The following CCDC178 variants were observed in gnomAD, a reference collection of about 807,000 sequenced individuals.
The protein encoded by CCDC178 is coiled-coil domain containing 178.
In CCDC178, 126 loss-of-function variants were observed where a neutral mutation model predicts 117.4. That is an observed-to-expected ratio of 1.07 (90% CI 0.93 to 1.24). CCDC178 has a LOEUF of 1.24. Among genes scored for constraint, CCDC178 ranks in the 50% most tolerant of loss-of-function variants. The pLI is 0.00. For synonymous variants in CCDC178, 283 were observed against 313.4 expected, an observed-to-expected ratio of 0.90 and a Z score of 1.02; for missense variants, 1,030 against 986.9, an observed-to-expected ratio of 1.04 and a Z score of -0.59.
intron 21 of CCDC178, among the ~76,000 whole-genome samples, chr18:32,991,457 TAA>T (rs2055391928): frequency 6.6e-6 from 1 of 152,160 alleles, no homozygotes; most frequent in South Asian, 2.1e-4. Context: ...CCATGAAAGA[TAA>T]AAAAGTCTGT....
chr18:33,316,278 G>T (rs559017786), intron 11 of CCDC178, among the ~76,000 whole-genome samples: 1 of 152,340 alleles, frequency 6.6e-6, no homozygotes, highest in South Asian at 2.1e-4. Flanking sequence ...GCGGGATAGC[G>T]CGAGTTCCGT....
At chr18:33,264,073 C>T (rs988811838) in intron 14 of CCDC178, among the ~76,000 whole-genome samples, 2 of 152,024 alleles carry the variant, frequency 1.3e-5, no homozygotes, top group Non-Finnish European at 2.9e-5. Context: ...CTTTAAATAT[C>T]TGTGTCAAAC....
At chr18:33,229,042 T>C (rs967519307) in intron 15 of CCDC178, among the ~76,000 whole-genome samples, 2 of 152,188 alleles carry the variant, frequency 1.3e-5, no homozygotes, top group Non-Finnish European at 2.9e-5. Flanking sequence ...ACAGGCATTG[T>C]TCCCTGTAAA....
Position 33,266,916 on chromosome 18 carries a change from C to T in CCDC178, c.1409G>A (p.Ser470Asn). 2 of 1,559,626 alleles carry T rather than the reference C, an allele frequency of 1.3e-6. No individual in the cohort carries two copies. Among genetic ancestry groups the T allele is most frequent in the Non-Finnish European group, 8.7e-7 (1 of 1,153,304 alleles). ...AGAAGAAAAGTATTTGCAAATTTAC[C>T]TTTCATTGGTTTTTACTGTTATTTT... is the stretch of plus-strand genomic sequence containing the variant. ...INKITVKTNE[S>N]IRKKSKYESE... Residue 470 changes from serine to asparagine, a missense_variant and splice_region_variant, in exon 14 of 23, where the codon AGC becomes AAC. Physicochemically the swap from Ser to Asn is conservative, Grantham distance 46. Transcript: ENST00000383096.
intron 21 of CCDC178, among the ~76,000 whole-genome samples, chr18:32,996,117 A>T (rs2055502263): frequency 6.6e-6 from 1 of 151,926 alleles, no homozygotes; most frequent in Non-Finnish European, 1.5e-5. Flanking sequence ...TTAAGTAAAA[A>T]TATAATAGAA....
chr18:33,314,008 G>A (rs868275983), intron 11 of CCDC178, among the ~76,000 whole-genome samples: 2 of 150,886 alleles, frequency 1.3e-5, no homozygotes, highest in African/African-American at 2.4e-5. Context: ...AGACCATCCC[G>A]GCTAAAACGG....
chr18:33,343,088 C>T (rs1318780632), intron 9 of CCDC178, among the ~76,000 whole-genome samples: 1 of 152,074 alleles, frequency 6.6e-6, no homozygotes, highest in East Asian at 1.9e-4. Context: ...TATTCAAATT[C>T]ATTCAGAAAC....
chr18:33,133,644 TC>T lies in CCDC178; in HGVS notation c.2239-40735del, dbSNP rs201648923. ...GACATGCCCAAATTGCCCAGTAAAC[TC>T]CGTAGACAACTCATGAAGTCTTCTG... On this transcript the variant is annotated intron_variant, in intron 20 of 22. Coordinates refer to ENST00000383096, the MANE Select transcript of CCDC178 (RefSeq NM_001105528.4). 2.1e-3 allele frequency among the ~76,000 whole-genome samples: 318 copies of T among 151,984 alleles called. 2 individuals carry two copies. In the East Asian group the frequency reaches 0.038, roughly 18 times the overall value.
At chr18:33,172,891 C>T (rs1022567499) in intron 20 of CCDC178, among the ~76,000 whole-genome samples, 9 of 152,084 alleles carry the variant, frequency 5.9e-5, no homozygotes, top group Non-Finnish European at 7.4e-5. Flanking sequence ...TAAGAAAAAT[C>T]CATGATTTTT....
intron 22 of CCDC178, among the ~76,000 whole-genome samples, chr18:32,969,305 G>A (rs548428376): frequency 2.9e-4 from 44 of 152,116 alleles, no homozygotes; most frequent in African/African-American, 9.2e-4. Flanking sequence ...CCCTGAGGAG[G>A]TGCCCTCTGG....
chr18:33,057,911 A>G (rs1432974607), intron 21 of CCDC178, among the ~76,000 whole-genome samples: 1 of 152,218 alleles, frequency 6.6e-6, no homozygotes, highest in Non-Finnish European at 1.5e-5. Flanking sequence ...TTGTTTGTCA[A>G]TAGTCATTAG....
At chr18:33,279,987 A>G (rs1440560950) in intron 12 of CCDC178, among the ~76,000 whole-genome samples, 1 of 151,898 alleles carries the variant, frequency 6.6e-6, no homozygotes, top group Non-Finnish European at 1.5e-5. Context: ...TAGACCTAAA[A>G]CCATAAAAAC....
rs540365127 is a variant in CCDC178, at chr18:33,006,582, C to T, written c.2389-31901G>A. ...GGGAGAGTTCCAAGATGATTCCCAACAAGTCAAATCCTTGTAGAATCCCTT... is the reference window on the plus strand; with the variant it reads ...GGGAGAGTTCCAAGATGATTCCCAATAAGTCAAATCCTTGTAGAATCCCTT... On this transcript the variant is annotated intron_variant, in intron 21 of 22. Coordinates refer to ENST00000383096, the MANE Select transcript of CCDC178 (RefSeq NM_001105528.4). Among the ~76,000 whole-genome samples the T allele has an allele frequency of 2.0e-5, 3 of 152,134 alleles. No individual in the cohort carries two copies. In the East Asian group the frequency reaches 5.8e-4, roughly 29 times the overall value.
chr18:32,947,116 G>C (rs891969989), intron 22 of CCDC178, among the ~76,000 whole-genome samples: 1 of 152,024 alleles, frequency 6.6e-6, no homozygotes, highest in Non-Finnish European at 1.5e-5. Flanking sequence ...ATTCTCCTTT[G>C]GTATAGCCGA....
At chr18:33,332,207 T>C (rs903191019) in intron 10 of CCDC178, among the ~76,000 whole-genome samples, 3 of 152,204 alleles carry the variant, frequency 2.0e-5, no homozygotes, top group Non-Finnish European at 2.9e-5. Context: ...CGCATATATA[T>C]AATTACACAA....
intron 14 of CCDC178, among the ~76,000 whole-genome samples, chr18:33,265,196 T>G (rs986580180): frequency 6.6e-6 from 1 of 152,106 alleles, no homozygotes; most frequent in Non-Finnish European, 1.5e-5. Flanking sequence ...TCTAAGAAAT[T>G]TTATCAAACT....
chr18:33,339,674 G>A (rs544342231), intron 9 of CCDC178, among the ~76,000 whole-genome samples: 8 of 151,946 alleles, frequency 5.3e-5, no homozygotes, highest in Admixed American at 2.0e-4. Flanking sequence ...CGGCAGTGGC[G>A]GGGGGTGTCT....
At chr18:33,436,044 T>C (rs1380782457) in intron 2 of CCDC178, among the ~76,000 whole-genome samples, 1 of 151,292 alleles carries the variant, frequency 6.6e-6, no homozygotes, top group African/African-American at 2.4e-5. Flanking sequence ...ATTATAGAAC[T>C]ATAGTTGGAT....
At chr18:32,950,437 A>G (rs1316700618) in intron 22 of CCDC178, among the ~76,000 whole-genome samples, 1 of 152,160 alleles carries the variant, frequency 6.6e-6, no homozygotes, top group Non-Finnish European at 1.5e-5. Flanking sequence ...CTTGAAAACT[A>G]TTGTTCCATA....
Sources: allele counts gnomAD v4.1 joint callset (sites outside exome capture counted in the v4.1 genomes callset), GRCh38; gene constraint gnomAD v4.1.1; transcripts MANE v1.5; gene names NCBI Gene and HGNC (gene_info 2026-07-23, HGNC 2026-07-21).